The following AGBL4 variants were observed in gnomAD, a reference collection of about 807,000 sequenced individuals.
The protein encoded by AGBL4 is cytosolic carboxypeptidase 6.
A neutral mutation model predicts 66.4 loss-of-function variants in AGBL4; 58 were observed. The ratio of observed to expected loss-of-function variants is 0.87; its 90% CI spans 0.71 to 1.09. AGBL4 has a LOEUF of 1.09. Ranked by LOEUF, AGBL4 falls within the 50% of genes least tolerant of loss-of-function variation. The pLI, the probability that AGBL4 is intolerant of heterozygous loss-of-function variation, is 0.00. For missense variants in AGBL4, 579 were observed against 631.0 expected, an observed-to-expected ratio of 0.92 and a Z score of 0.88; for synonymous variants, 234 against 222.9, an observed-to-expected ratio of 1.05 and a Z score of -0.44.
At chr1:48,917,795 T>C (rs1333425085) in intron 5 of AGBL4, among the ~76,000 whole-genome samples, 1 of 152,238 alleles carries the variant, frequency 6.6e-6, no homozygotes, top group Non-Finnish European at 1.5e-5. Context: ...TAGCAAAACC[T>C]GGTTGAAACA....
chr1:48,885,628 C>G (rs1650245588), intron 5 of AGBL4, among the ~76,000 whole-genome samples: 1 of 152,124 alleles, frequency 6.6e-6, no homozygotes, highest in South Asian at 2.1e-4. Flanking sequence ...AAGCCTTTCC[C>G]TTTCTTCTGC....
intron 2 of AGBL4, among the ~76,000 whole-genome samples, chr1:49,843,336 A>G (rs1220391271): frequency 1.3e-5 from 2 of 151,566 alleles, no homozygotes; most frequent in Non-Finnish European, 2.9e-5. Context: ...ATGGGGACTC[A>G]GCATTTTGCC....
chr1:49,872,922 G>A (rs191395199), intron 1 of AGBL4, among the ~76,000 whole-genome samples: 672 of 151,996 alleles, frequency 4.4e-3, no homozygotes, highest in Middle Eastern at 0.01. Context: ...AATTTGAAAT[G>A]AATTCTAAAA....
rs543907357 is a variant in AGBL4, at chr1:49,618,232, A to G, written c.282+79081T>C. 7.2e-5 allele frequency among the ~76,000 whole-genome samples: 11 copies of G among 152,134 alleles called. No individual in the cohort carries two copies. The South Asian group carries it at 2.3e-3, about 32-fold the overall frequency. ...GTATTCCACGGTATACCTGTGCCAC[A>G]TTTTCTTTCTCCAGTCTATCATTAA... On this transcript the variant is annotated intron_variant, in intron 3 of 13. Coordinates refer to ENST00000371839, the MANE Select transcript of AGBL4 (RefSeq NM_032785.4).
At chr1:49,985,231 C>A (rs912917947) in intron 1 of AGBL4, among the ~76,000 whole-genome samples, 1 of 152,018 alleles carries the variant, frequency 6.6e-6, no homozygotes, top group African/African-American at 2.4e-5. Context: ...CACAATGTAT[C>A]CCCGAATCTA....
At chr1:49,706,131 T>C (rs1647211826) in intron 2 of AGBL4, among the ~76,000 whole-genome samples, 1 of 152,194 alleles carries the variant, frequency 6.6e-6, no homozygotes, top group Non-Finnish European at 1.5e-5. Flanking sequence ...TGGTACCAGT[T>C]CCTCTTTGTA....
At chr1:49,430,659 G>T (rs914517762) in intron 3 of AGBL4, among the ~76,000 whole-genome samples, 4 of 152,184 alleles carry the variant, frequency 2.6e-5, no homozygotes, top group African/African-American at 9.6e-5. Flanking sequence ...CGTAGATACA[G>T]AAAAGTACGT....
intron 3 of AGBL4, among the ~76,000 whole-genome samples, chr1:49,548,919 G>A (rs1476430292): frequency 6.6e-6 from 1 of 151,980 alleles, no homozygotes; most frequent in Non-Finnish European, 1.5e-5. Context: ...GACTTTTTTT[G>A]TTAGTAATTT....
chr1:48,941,697 T>C (rs1034530309), intron 5 of AGBL4, among the ~76,000 whole-genome samples: 5 of 152,216 alleles, frequency 3.3e-5, no homozygotes, highest in African/African-American at 1.2e-4. Context: ...ACCTCAGTGA[T>C]ATTAACAAGG....
intron 11 of AGBL4, among the ~76,000 whole-genome samples, chr1:48,563,333 G>C (rs1004578255): frequency 1.8e-4 from 27 of 152,214 alleles, no homozygotes; most frequent in Non-Finnish European, 3.5e-4. Flanking sequence ...CTAATGACAA[G>C]AGTTACTCAC....
chr1:48,545,309 G>A (rs1644141220), intron 11 of AGBL4, among the ~76,000 whole-genome samples: 3 of 152,044 alleles, frequency 2.0e-5, no homozygotes, highest in Admixed American at 2.0e-4. Context: ...GGCATTTTCT[G>A]GGACAACTCT....
intron 4 of AGBL4, among the ~76,000 whole-genome samples, chr1:49,172,152 A>G (rs1646750446): frequency 6.6e-6 from 1 of 152,238 alleles, no homozygotes; most frequent in Non-Finnish European, 1.5e-5. Context: ...CCAGATCCTT[A>G]TGATCTAATA....
intron 2 of AGBL4, among the ~76,000 whole-genome samples, chr1:49,701,037 A>G (rs1380236307): frequency 1.3e-5 from 2 of 152,184 alleles, no homozygotes; most frequent in South Asian, 2.1e-4. Flanking sequence ...CTCACCAAGA[A>G]GAAATAAACC....
chr1:48,921,922 T>C (rs1207321443), intron 5 of AGBL4, among the ~76,000 whole-genome samples: 1 of 152,210 alleles, frequency 6.6e-6, no homozygotes, highest in Non-Finnish European at 1.5e-5. Context: ...TTCTTCTTTA[T>C]GGTGCATTGT....
intron 12 of AGBL4, among the ~76,000 whole-genome samples, chr1:48,535,605 C>A (rs1394423245): frequency 6.6e-6 from 1 of 152,158 alleles, no homozygotes; most frequent in East Asian, 1.9e-4. Flanking sequence ...CTTGTCACTG[C>A]CATGGAATGT....
intron 3 of AGBL4, among the ~76,000 whole-genome samples, chr1:49,605,436 G>A (rs1362655216): frequency 6.6e-6 from 1 of 152,136 alleles, no homozygotes; most frequent in Non-Finnish European, 1.5e-5. Flanking sequence ...AAAGGGGATG[G>A]TGGGGAGAGG....
chr1:49,098,836 A>C (rs1645152619), intron 4 of AGBL4, among the ~76,000 whole-genome samples: 1 of 152,246 alleles, frequency 6.6e-6, no homozygotes, highest in Non-Finnish European at 1.5e-5. Flanking sequence ...AGGCATTCAC[A>C]GATCAAATAA....
chr1:49,079,921 C>T (rs900023959), intron 4 of AGBL4, among the ~76,000 whole-genome samples: 2 of 152,122 alleles, frequency 1.3e-5, no homozygotes, highest in African/African-American at 4.8e-5. Context: ...CAAATTATTT[C>T]TTTTCCTTTG....
intron 4 of AGBL4, among the ~76,000 whole-genome samples, chr1:49,139,713 C>T (rs560690177): frequency 6.6e-6 from 1 of 152,184 alleles, no homozygotes; most frequent in South Asian, 2.1e-4. Context: ...TAATACTGTT[C>T]GTCCTATCCC....
Sources: allele counts gnomAD v4.1 joint callset (sites outside exome capture counted in the v4.1 genomes callset), GRCh38; gene constraint gnomAD v4.1.1; transcripts MANE v1.5; gene names NCBI Gene and HGNC (gene_info 2026-07-23, HGNC 2026-07-21).